Variants in VEZT observed in about 807,000 individuals in gnomAD.
The protein encoded by VEZT is vezatin, adherens junctions transmembrane protein, also known as vezatin.
Under a neutral mutation model 79.9 loss-of-function variants are expected in VEZT, and 39 were observed. The ratio of observed to expected loss-of-function variants is 0.49; its 90% confidence interval spans 0.38 to 0.64. VEZT has a LOEUF of 0.64. Ranked by LOEUF, VEZT falls within the 30% of genes least tolerant of loss-of-function variation. The pLI is 0.00. For missense variants in VEZT, 837 were observed against 893.1 expected (o/e 0.94, Z 0.80); for synonymous variants, 325 against 327.6 (o/e 0.99, Z 0.09).
At chr12:95,293,822 A>C (rs1489931291) in intron 9 of VEZT, 1 of 155,168 alleles carries the variant, frequency 6.4e-6, no homozygotes, top group Non-Finnish European at 1.4e-5. Flanking sequence ...TAATATCTTT[A>C]TGTTTTTATA....
intron 6 of VEZT, among the ~76,000 whole-genome samples, chr12:95,272,895 A>G (rs77523520): frequency 6.6e-6 from 1 of 152,232 alleles, no homozygotes; most frequent in African/African-American, 2.4e-5. Context: ...ACCAAGGCAC[A>G]CAGTACCACA....
At position 95,300,750 on chromosome 12, in the gene VEZT, A is replaced by G; in HGVS notation, c.*77A>G. 1 of 1,448,520 alleles carries G rather than the reference A, an allele frequency of 6.9e-7. No homozygotes were observed. Among genetic ancestry groups the G allele is most frequent in the African/African-American group, 1.4e-5 (1 of 70,476 alleles). The allele number at this position is 1,448,520 out of a possible 1,614,324, so 89.7% of individuals were successfully genotyped here. ...TTAGCTTCAAGACTGGAAAGGGAATATGAGTGTAAGTTTACTATATATAAA... is the reference window on the plus strand; with the variant it reads ...TTAGCTTCAAGACTGGAAAGGGAATGTGAGTGTAAGTTTACTATATATAAA... On this transcript the variant is annotated 3_prime_UTR_variant, in exon 12 of 12. Coordinates refer to ENST00000436874, the MANE Select transcript of VEZT (RefSeq NM_017599.4).
intron 1 of VEZT, among the ~76,000 whole-genome samples, chr12:95,230,984 C>T (rs556687576): frequency 3.5e-4 from 54 of 152,210 alleles, no homozygotes; most frequent in Non-Finnish European, 6.8e-4. Flanking sequence ...TCTTAGTCTT[C>T]TGATGGGTAT....
chr12:95,269,338 T>C (rs1734893355), intron 5 of VEZT, among the ~76,000 whole-genome samples: 3 of 152,164 alleles, frequency 2.0e-5, no homozygotes, highest in African/African-American at 7.2e-5. Context: ...TTGAACAGCT[T>C]TGAGAGTAGC....
rs756580168 is a variant in VEZT at position 95,274,731 on chromosome 12, C to T, written c.849-11C>T. On this transcript the variant is annotated splice_polypyrimidine_tract_variant and intron_variant, in intron 6 of 11. Transcript: ENST00000436874. ...GAAAAGGCTTTGTTGATTGCCTTAA[C>T]CTAATTTAACCTACCCCCTGAACTC... 2.5e-6 allele frequency: 4 copies of T among 1,605,190 alleles called. No homozygotes were observed. The highest frequency in any genetic ancestry group is 3.5e-5 in the Admixed American group (2 of 57,964).
intron 1 of VEZT, among the ~76,000 whole-genome samples, chr12:95,239,634 C>T (rs2060621165): frequency 6.6e-6 from 1 of 152,084 alleles, no homozygotes; most frequent in African/African-American, 2.4e-5. Flanking sequence ...GTGTGAAGAG[C>T]TCGGAGGGTT....
chr12:95,236,296 G>A (rs924942461), intron 1 of VEZT, among the ~76,000 whole-genome samples: 3 of 152,158 alleles, frequency 2.0e-5, no homozygotes, highest in Non-Finnish European at 2.9e-5. Context: ...GGCGGCGCGC[G>A]CCTGTAATCG....
At chr12:95,230,525 C>G (rs2059127484) in intron 1 of VEZT, among the ~76,000 whole-genome samples, 1 of 151,052 alleles carries the variant, frequency 6.6e-6, no homozygotes, top group Non-Finnish European at 1.5e-5. Context: ...TCCAGCTATC[C>G]TCTCCTCTCA....
rs1485595292 is a variant in VEZT, at chr12:95,270,081, T to C, written c.741T>C (p.Ala247=). ...GTGCTGCTTGCCCATTTAATAAAGC[T>C]GGACAGCATCCAAGTCAGCATCTCA... is the stretch of plus-strand genomic sequence containing the variant. ...LVSAACPFNK[A]GQHPSQHLIG... is the part of the protein sequence containing the mutation. The change falls in exon 6 of 12, where the codon GCT becomes GCC. Residue 247 remains alanine, a synonymous_variant. Transcript: ENST00000436874. The C allele has an allele frequency of 6.2e-7, 1 of 1,611,756 alleles. No individual in the cohort carries two copies. The highest frequency in any genetic ancestry group is 1.1e-5 in the South Asian group (1 of 90,330).
chr12:95,229,937 A>G (rs1005336638), intron 1 of VEZT, among the ~76,000 whole-genome samples: 2 of 152,088 alleles, frequency 1.3e-5, no homozygotes, highest in African/African-American at 2.4e-5. Flanking sequence ...TAAAAATGCA[A>G]AAATTAGCAG....
At chr12:95,272,046 C>T (rs771589963) in intron 6 of VEZT, among the ~76,000 whole-genome samples, 3 of 151,966 alleles carry the variant, frequency 2.0e-5, no homozygotes, top group Non-Finnish European at 2.9e-5. Flanking sequence ...GGCACACACC[C>T]GCAGTCCCAG....
intron 9 of VEZT, among the ~76,000 whole-genome samples, chr12:95,290,015 C>T (rs1376022334): frequency 9.9e-5 from 15 of 152,148 alleles, no homozygotes; most frequent in Non-Finnish European, 8.8e-5. Flanking sequence ...GGAACATTCT[C>T]CTGTGTACCC....
intron 11 of VEZT, among the ~76,000 whole-genome samples, chr12:95,298,382 G>A (rs1316912004): frequency 6.6e-6 from 1 of 152,116 alleles, no homozygotes; most frequent in Non-Finnish European, 1.5e-5. Context: ...CCTGCAATCT[G>A]TTCATTCATA....
At chr12:95,226,492 G>A (rs1264125123) in intron 1 of VEZT, among the ~76,000 whole-genome samples, 2 of 151,904 alleles carry the variant, frequency 1.3e-5, no homozygotes, top group South Asian at 2.1e-4. Flanking sequence ...CTTACCTAGA[G>A]AATTACATGC....
rs969353512 is a variant in VEZT, at chr12:95,294,333, T to G, written c.1584T>G (p.Thr528=). The change falls in exon 10 of 12, where the codon ACT becomes ACG. Residue 528 remains threonine, a synonymous_variant. Coordinates refer to ENST00000436874, the MANE Select transcript of VEZT (RefSeq NM_017599.4). ...CAGTAGTACCTTTGAAGCAGCCTAC[T>G]CTACACATTGCAGACAAAGATCCAA... ...HCTVVPLKQP[T]LHIADKDPIP... is the part of the protein sequence containing the mutation. 20 of 1,591,248 alleles carry G rather than the reference T, an allele frequency of 1.3e-5. No individual in the cohort carries two copies. Among genetic ancestry groups the G allele is most frequent in the Non-Finnish European group, 1.5e-5 (18 of 1,168,324 alleles).
chr12:95,240,487 C>T (rs149444004), intron 1 of VEZT, among the ~76,000 whole-genome samples: 12 of 152,164 alleles, frequency 7.9e-5, no homozygotes, highest in Middle Eastern at 3.4e-3. Flanking sequence ...TGGAGTAAAA[C>T]GATGTTATAT....
intron 7 of VEZT, among the ~76,000 whole-genome samples, chr12:95,279,546 A>T (rs1821949053): frequency 6.6e-6 from 1 of 152,232 alleles, no homozygotes; most frequent in South Asian, 2.1e-4. Flanking sequence ...AAAAAGAAAT[A>T]CATATTTCTG....
chr12:95,256,536 A>T (rs1234240084), intron 2 of VEZT: 2 of 1,269,886 alleles, frequency 1.6e-6, no homozygotes, highest in Non-Finnish European at 2.0e-6. Flanking sequence ...CTTTTTTCCC[A>T]TGACCCTTTG....
chr12:95,296,198 G>A lies in VEZT; in HGVS notation c.1771G>A (p.Gly591Arg). Reference protein sequence around the residue: ...RVLQELKSVLGFKASEAERQK... With the variant: ...RVLQELKSVLRFKASEAERQK... ...GCTCCAAGAATTAAAATCTGTGCTG[G>A]GATTTAAAGCTTCAGAGGCAGAAAG... Residue 591 changes from glycine (G) to arginine (R), a missense_variant, in exon 11 of 12, where the codon GGA (glycine) becomes AGA (arginine). Coordinates refer to ENST00000436874, the MANE Select transcript of VEZT (RefSeq NM_017599.4). The A allele has an allele frequency of 6.3e-7, 1 of 1,587,102 alleles. No homozygotes were observed. The highest frequency in any genetic ancestry group is 8.6e-7 in the Non-Finnish European group (1 of 1,165,770).
Sources: gnomAD v4.1 joint callset for allele counts (sites outside exome capture counted in the v4.1 genomes callset) on GRCh38, gnomAD v4.1.1 for gene constraint, MANE v1.5 for transcripts, NCBI Gene and HGNC (gene_info 2026-07-23, HGNC 2026-07-21) for gene names.